Variants in HS3ST1 observed in about 807,000 individuals in gnomAD.
HS3ST1 encodes the protein heparan sulfate glucosamine 3-O-sulfotransferase 1.
A neutral mutation model predicts 20.7 loss-of-function variants in HS3ST1; 8 were observed. The observed-to-expected ratio is 0.39, with a 90% confidence interval of 0.23 to 0.70. HS3ST1 has a LOEUF of 0.70. Among genes scored for constraint, HS3ST1 ranks in the 30% least tolerant of loss-of-function variants. The pLI, the probability that HS3ST1 is intolerant of heterozygous loss-of-function variation, is 0.46. For missense variants in HS3ST1, 436 were observed against 423.4 expected, an observed-to-expected ratio of 1.03 and a Z score of -0.26; for synonymous variants, 205 against 190.4, an observed-to-expected ratio of 1.08 and a Z score of -0.63.
At chr4:11,431,344 G>C (rs1030210933), upstream of HS3ST1, among the ~76,000 whole-genome samples, 3 of 151,584 alleles carry the variant, frequency 2.0e-5, no homozygotes, top group Non-Finnish European at 4.4e-5. Context: ...GCTGTTAGGA[G>C]ACACAGTAGT....
Position 11,399,307 on chromosome 4 carries a change from C to A in HS3ST1, c.699G>T (p.Arg233Ser). ...TGATCTGCGGCGACAGCTTTAGGAA[C>A]CTCTCGACCTTTTGGATCTCAGGGA... ...DPFPEIQKVE[R>S]FLKLSPQINA... The change falls in exon 2 of 2, where the codon AGG (arginine) becomes AGT (serine). Residue 233 changes from arginine to serine, a missense_variant. Coordinates refer to ENST00000002596, the MANE Select transcript of HS3ST1 (RefSeq NM_005114.4). This position sits in a 1 kb window ranked among gnomAD's most constrained non-coding sequence, Gnocchi z 5.1. 6.2e-7 allele frequency: 1 copy of A among 1,614,114 alleles called. No individual in the cohort carries two copies. The highest frequency in any genetic ancestry group is 8.5e-7 in the Non-Finnish European group (1 of 1,180,014).
At chr4:11,431,632 C>T (rs530790851), upstream of HS3ST1, among the ~76,000 whole-genome samples, 26 of 152,228 alleles carry the variant, frequency 1.7e-4, no homozygotes, top group Non-Finnish European at 2.5e-4. Context: ...TTTACAGACA[C>T]GCACAGACAT....
chr4:11,417,245 A>G (rs1718808694), intron 1 of HS3ST1, among the ~76,000 whole-genome samples: 1 of 152,218 alleles, frequency 6.6e-6, no homozygotes, highest in Admixed American at 6.5e-5. Context: ...TAATCAGTAA[A>G]TGCATTATCA....
At chr4:11,418,760 C>T (rs1718852259) in intron 1 of HS3ST1, among the ~76,000 whole-genome samples, 1 of 152,202 alleles carries the variant, frequency 6.6e-6, no homozygotes, top group Admixed American at 6.5e-5. Flanking sequence ...CCACCAGGGG[C>T]ACCATGGCCT....
chr4:11,410,657 G>A (rs1418510840), intron 1 of HS3ST1, among the ~76,000 whole-genome samples: 2 of 152,108 alleles, frequency 1.3e-5, no homozygotes, highest in Non-Finnish European at 2.9e-5. Context: ...CTTTTGGGAG[G>A]CCAAGGCGGG....
rs534353984 is a variant in HS3ST1, at chr4:11,411,262, G to A, written c.-108-11149C>T. On this transcript the variant is annotated intron_variant, in intron 1 of 1. Transcript: ENST00000002596. ...GGCATAGAAATAATATGAGTAGTAT[G>A]CCCTAGTGGGTTTTGATTTTATATT... Among the ~76,000 whole-genome samples, 23 of 152,294 alleles carry A rather than the reference G, an allele frequency of 1.5e-4. No individual in the cohort carries two copies. The Middle Eastern group carries it at 0.01, about 68-fold the overall frequency.
chr4:11,410,710 G>C (rs1004357706), intron 1 of HS3ST1, among the ~76,000 whole-genome samples: 1 of 152,084 alleles, frequency 6.6e-6, no homozygotes. Context: ...GGTCAAACAT[G>C]GTGAAACCCT....
At chr4:11,401,777 C>T (rs944915985) in intron 1 of HS3ST1, among the ~76,000 whole-genome samples, 10 of 152,210 alleles carry the variant, frequency 6.6e-5, no homozygotes, top group African/African-American at 2.2e-4. Context: ...TTCCACAAAA[C>T]TTCTCCTCTT....
chr4:11,427,063 A>T (rs1248884673), intron 1 of HS3ST1, among the ~76,000 whole-genome samples: 2 of 152,222 alleles, frequency 1.3e-5, no homozygotes, highest in African/African-American at 4.8e-5. Context: ...TGCTTTAGAA[A>T]TGCAGGGAGG....
chr4:11,419,506 A>C (rs998248821), intron 1 of HS3ST1, among the ~76,000 whole-genome samples: 9 of 152,156 alleles, frequency 5.9e-5, no homozygotes, highest in Admixed American at 5.9e-4. Flanking sequence ...GGAGAGCATT[A>C]TGACAAATAG....
At chr4:11,415,545 TG>T (rs1420082587) in intron 1 of HS3ST1, among the ~76,000 whole-genome samples, 9 of 152,224 alleles carry the variant, frequency 5.9e-5, no homozygotes, top group African/African-American at 2.2e-4. Flanking sequence ...CAACTATTTT[TG>T]TCTGCTTAAA....
At chr4:11,431,247 A>G (rs932640838), upstream of HS3ST1, among the ~76,000 whole-genome samples, 1 of 151,938 alleles carries the variant, frequency 6.6e-6, no homozygotes, top group African/African-American at 2.4e-5. Flanking sequence ...AAAAAAAAAA[A>G]AAACTTTGTA....
At chr4:11,416,857 T>C (rs1718795626) in intron 1 of HS3ST1, among the ~76,000 whole-genome samples, 1 of 152,162 alleles carries the variant, frequency 6.6e-6, no homozygotes, top group African/African-American at 2.4e-5. Context: ...TGATTTACTA[T>C]GGAGAGGGAG....
Position 11,398,967 on chromosome 4 carries a change from C to G in HS3ST1, c.*115G>C. The G allele has an allele frequency of 1.1e-6, 1 of 931,340 alleles. No homozygotes were observed. The highest frequency in any genetic ancestry group is 1.7e-5 in the South Asian group (1 of 59,864). The allele number at this position is 931,340 out of a possible 1,614,324, so 57.7% of individuals were successfully genotyped here. A position where few individuals can be genotyped will look rare whatever the true frequency, so the allele number is the denominator to read the frequency against. ...GTGAATCTAATACTGTACAGAAGTACTTTATGGATTTTACAAATAAATTAT... is the reference window on the plus strand; with the variant it reads ...GTGAATCTAATACTGTACAGAAGTAGTTTATGGATTTTACAAATAAATTAT... On this transcript the variant is annotated 3_prime_UTR_variant, in exon 2 of 2. Coordinates refer to ENST00000002596, the MANE Select transcript of HS3ST1 (RefSeq NM_005114.4).
chr4:11,412,114 G>T (rs1166796195), intron 1 of HS3ST1, among the ~76,000 whole-genome samples: 2 of 152,162 alleles, frequency 1.3e-5, no homozygotes, highest in Non-Finnish European at 2.9e-5. Context: ...TTCTATTCAG[G>T]TAATCAATAA....
At chr4:11,401,269 T>C (rs1368621420) in intron 1 of HS3ST1, among the ~76,000 whole-genome samples, 2 of 152,036 alleles carry the variant, frequency 1.3e-5, no homozygotes, top group Non-Finnish European at 2.9e-5. Context: ...CTATTGATAA[T>C]GTGGTCTCAT....
chr4:11,405,393 G>C (rs951068050), intron 1 of HS3ST1, among the ~76,000 whole-genome samples: 1 of 152,198 alleles, frequency 6.6e-6, no homozygotes, highest in Non-Finnish European at 1.5e-5. Context: ...ACCCAAGGGA[G>C]ATTCCACAGA....
Position 11,426,372 on chromosome 4 carries a change from C to T in HS3ST1, c.-109+2327G>A, listed in dbSNP as rs530061356. Reference sequence around the variant, plus strand: ...GCTTTTCCCTTCAGAGGCCCCCCCCCCAACCCTCACAAGATTTTTCCAGTA... The same window carrying T: ...GCTTTTCCCTTCAGAGGCCCCCCCCTCAACCCTCACAAGATTTTTCCAGTA... On this transcript the variant is annotated intron_variant, in intron 1 of 1. Transcript: ENST00000002596. Among the ~76,000 whole-genome samples the T allele has an allele frequency of 3.3e-5, 5 of 151,452 alleles. No individual in the cohort carries two copies. In the South Asian group the frequency reaches 1.0e-3, roughly 32 times the overall value.
intron 1 of HS3ST1, among the ~76,000 whole-genome samples, chr4:11,420,509 G>A (rs532644139): frequency 7.9e-5 from 12 of 152,276 alleles, no homozygotes; most frequent in Admixed American, 2.0e-4. Flanking sequence ...GCTGTGTGAC[G>A]CTAGTCTTTC....
Sources: gnomAD v4.1 joint callset for allele counts (sites outside exome capture counted in the v4.1 genomes callset) on GRCh38, gnomAD v4.1.1 for gene constraint, Gnocchi (gnomAD v3.1) non-coding constraint, MANE v1.5 for transcripts, NCBI Gene and HGNC (gene_info 2026-07-23, HGNC 2026-07-21) for gene names.